The following CYP2C18 variants were observed in gnomAD, a reference collection of about 807,000 sequenced individuals.
The protein encoded by CYP2C18 is cytochrome P450 2C18.
A neutral mutation model predicts 41.3 loss-of-function variants in CYP2C18; 38 were observed. The ratio of observed to expected loss-of-function variants is 0.92; its 90% confidence interval spans 0.71 to 1.21. CYP2C18 has a LOEUF of 1.21. CYP2C18 is among the 50% of genes most tolerant of loss of function. The pLI, the probability that CYP2C18 is intolerant of heterozygous loss-of-function variation, is 0.00. For missense variants in CYP2C18, 635 were observed against 591.4 expected, an observed-to-expected ratio of 1.07 and a Z score of -0.77; for synonymous variants, 236 against 210.0, an observed-to-expected ratio of 1.12 and a Z score of -1.07.
chr10:94,718,174 T>G (rs1357046553), intron 5 of CYP2C18, among the ~76,000 whole-genome samples: 1 of 152,120 alleles, frequency 6.6e-6, no homozygotes, highest in Non-Finnish European at 1.5e-5. Flanking sequence ...TTTGGTTAAA[T>G]GTACTCCTAA....
intron 4 of CYP2C18, among the ~76,000 whole-genome samples, chr10:94,696,286 C>G (rs957128822): frequency 1.3e-5 from 2 of 152,164 alleles, no homozygotes; most frequent in African/African-American, 4.8e-5. Flanking sequence ...GACAAAACTT[C>G]CAGAGGAACG....
chr10:94,695,681 A>G (rs192901013), intron 4 of CYP2C18, among the ~76,000 whole-genome samples: 2 of 151,980 alleles, frequency 1.3e-5, no homozygotes, highest in East Asian at 3.9e-4. Context: ...AAGCAGGGTG[A>G]GGCATTGCCT....
At position 94,688,165 on chromosome 10, in the gene CYP2C18, G is replaced by A; in HGVS notation, c.372G>A (p.Arg124=). The A allele has an allele frequency of 6.2e-7, 1 of 1,613,740 alleles. No individual in the cohort carries two copies. The highest frequency in any genetic ancestry group is 8.5e-7 in the Non-Finnish European group (1 of 1,179,802). Residue 124 remains arginine (R), a synonymous_variant, in exon 3 of 9, where the codon CGG becomes CGA. Transcript: ENST00000285979. ...ATGGAAAGAGATGGAAGGAGATCCG[G>A]CGTTTCTGCCTCATGACTCTGCGGA... The part of the protein sequence containing the change: ...FSNGKRWKEI[R]RFCLMTLRNF...
intron 5 of CYP2C18, among the ~76,000 whole-genome samples, chr10:94,709,971 C>CTATA (rs1402818528): frequency 6.6e-6 from 1 of 152,068 alleles, no homozygotes; most frequent in Non-Finnish European, 1.5e-5. Context: ...TTTCTTTATG[C>CTATA]CAGTATGACA....
rs1052819373 is a variant in CYP2C18 at position 94,709,229 on chromosome 10, G to A, written c.819+2269G>A. Among the ~76,000 whole-genome samples the A allele has an allele frequency of 5.3e-5, 8 of 152,056 alleles. No individual in the cohort carries two copies. The East Asian group carries it at 5.8e-4, about 11-fold the overall frequency. On this transcript the variant is annotated intron_variant, in intron 5 of 8. Coordinates refer to ENST00000285979, the MANE Select transcript of CYP2C18 (RefSeq NM_000772.3). Reference sequence around the variant, plus strand: ...GGCATGAAATTTGCTGCACCATTTCGTATTCTCACTACAATGTTTTGAGGA... The same window carrying A: ...GGCATGAAATTTGCTGCACCATTTCATATTCTCACTACAATGTTTTGAGGA...
intron 7 of CYP2C18, among the ~76,000 whole-genome samples, chr10:94,731,109 G>A (rs564688900): frequency 5.1e-4 from 77 of 152,166 alleles, no homozygotes; most frequent in African/African-American, 7.9e-4. Context: ...GGCCAGGTGC[G>A]GTGGCTCATG....
intron 7 of CYP2C18, among the ~76,000 whole-genome samples, chr10:94,732,801 A>G (rs1847855872): frequency 6.6e-6 from 1 of 152,046 alleles, no homozygotes; most frequent in Non-Finnish European, 1.5e-5. Flanking sequence ...GGGGACTACT[A>G]GATGGGGGCT....
Position 94,733,389 on chromosome 10 carries a change from T to TAAGAGTGGCAACTTTAAG in CYP2C18, c.1245_1262dup (p.Gly417_Ser422dup). ...TGTTTGACCCTGGCCACTTTCTGGA[T>TAAGAGTGGCAACTTTAAG]AAGAGTGGCAACTTTAAGAAAAGTG... On this transcript the variant is annotated inframe_insertion, in exon 8 of 9. Transcript: ENST00000285979. 1 of 1,613,438 alleles carries TAAGAGTGGCAACTTTAAG rather than the reference T, an allele frequency of 6.2e-7. No homozygotes were observed. Among genetic ancestry groups the TAAGAGTGGCAACTTTAAG allele is most frequent in the Non-Finnish European group, 8.5e-7 (1 of 1,179,552 alleles).
chr10:94,684,217 T>C (rs1468068240), intron 1 of CYP2C18, among the ~76,000 whole-genome samples: 1 of 152,048 alleles, frequency 6.6e-6, no homozygotes, highest in Admixed American at 6.5e-5. Flanking sequence ...TAAAATCCTC[T>C]TTTTTAGCTG....
At chr10:94,692,332 A>C (rs944488304) in intron 3 of CYP2C18, among the ~76,000 whole-genome samples, 1 of 152,204 alleles carries the variant, frequency 6.6e-6, no homozygotes, top group South Asian at 2.1e-4. Flanking sequence ...TACAAGAAAA[A>C]AAAAAGATCC....
intron 4 of CYP2C18, among the ~76,000 whole-genome samples, chr10:94,695,384 C>T (rs970735473): frequency 5.9e-5 from 9 of 152,136 alleles, no homozygotes; most frequent in African/African-American, 2.2e-4. Context: ...AGAGTGAAAA[C>T]ATGCAGTGTT....
At chr10:94,726,693 C>T (rs1847748775) in intron 7 of CYP2C18, among the ~76,000 whole-genome samples, 2 of 151,744 alleles carry the variant, frequency 1.3e-5, no homozygotes, top group Admixed American at 1.3e-4. Flanking sequence ...CAAAAATTGA[C>T]TGTAACCTCT....
chr10:94,691,161 A>G (rs1409186655), intron 3 of CYP2C18, among the ~76,000 whole-genome samples: 1 of 152,176 alleles, frequency 6.6e-6, no homozygotes, highest in African/African-American at 2.4e-5. Flanking sequence ...TAGTGTCGGA[A>G]GTTCTGGACA....
At chr10:94,693,018 T>TG (rs1280929203) in intron 3 of CYP2C18, among the ~76,000 whole-genome samples, 1 of 144,336 alleles carries the variant, frequency 6.9e-6, no homozygotes, top group African/African-American at 2.6e-5. Flanking sequence ...TGTTGTGGGG[T>TG]GGGGGAAGGG....
chr10:94,699,452 A>T (rs901995845), intron 4 of CYP2C18, among the ~76,000 whole-genome samples: 20 of 152,350 alleles, frequency 1.3e-4, no homozygotes, highest in African/African-American at 4.6e-4. Context: ...AAAACTTTCA[A>T]TAAATTAGGT....
chr10:94,700,236 G>A (rs1308566778), intron 4 of CYP2C18, among the ~76,000 whole-genome samples: 1 of 152,166 alleles, frequency 6.6e-6, no homozygotes, highest in Non-Finnish European at 1.5e-5. Context: ...TATACTACAA[G>A]GCTACAGTAA....
At chr10:94,719,134 C>T (rs1022424054) in intron 5 of CYP2C18, among the ~76,000 whole-genome samples, 3 of 151,930 alleles carry the variant, frequency 2.0e-5, no homozygotes, top group Non-Finnish European at 2.9e-5. Context: ...CTGCAATGTC[C>T]CTATTGTGAC....
chr10:94,708,436 C>T (rs776945941), intron 5 of CYP2C18, among the ~76,000 whole-genome samples: 1 of 152,096 alleles, frequency 6.6e-6, no homozygotes, highest in Non-Finnish European at 1.5e-5. Flanking sequence ...GAATTGTCTC[C>T]ATTAATTCCA....
At chr10:94,695,874 C>T (rs1296377708) in intron 4 of CYP2C18, among the ~76,000 whole-genome samples, 2 of 152,146 alleles carry the variant, frequency 1.3e-5, no homozygotes, top group African/African-American at 2.4e-5. Context: ...CCCATGAAAC[C>T]TCACTCATTG....
Sources: gnomAD v4.1 joint callset for allele counts (sites outside exome capture counted in the v4.1 genomes callset) on GRCh38, gnomAD v4.1.1 for gene constraint, MANE v1.5 for transcripts, NCBI Gene and HGNC (gene_info 2026-07-23, HGNC 2026-07-21) for gene names.